FAM135B: variants seen among roughly 807,000 people sequenced by gnomAD.
FAM135B encodes protein FAM135B.
FAM135B carries 43 observed loss-of-function variants against 127.7 expected under a neutral mutation model. The ratio of observed to expected loss-of-function variants is 0.34; its 90% CI spans 0.26 to 0.43. The LOEUF (loss-of-function observed/expected upper bound fraction) is 0.43, where lower values mean the gene tolerates loss of function less well. Among genes scored for constraint, FAM135B ranks in the 20% least tolerant of loss-of-function variants. The pLI, the probability that FAM135B is intolerant of heterozygous loss-of-function variation, is 1.00. For missense variants in FAM135B, 1,558 were observed against 1,725.6 expected (o/e 0.90, Z 1.72); for synonymous variants, 670 against 665.1 (o/e 1.01, Z -0.11).
chr8:138,310,724 C>A, intron 3 of FAM135B, 117 bp downstream of exon 3: 1 of 875,428 alleles, frequency 1.1e-6, no homozygotes, highest in South Asian at 1.9e-5. Flanking sequence ...ATCCAACATT[C>A]ACCACAGATT....
At chr8:138,266,485 C>T (rs1478935730) in intron 3 of FAM135B, among the ~76,000 whole-genome samples, 4 of 152,004 alleles carry the variant, frequency 2.6e-5, no homozygotes, top group Non-Finnish European at 4.4e-5. Flanking sequence ...CTATGCAATG[C>T]TTCCACTGTC....
intron 9 of FAM135B, among the ~76,000 whole-genome samples, chr8:138,191,570 C>T (rs1816127151): frequency 6.6e-6 from 1 of 152,164 alleles, no homozygotes; most frequent in Admixed American, 6.5e-5. Context: ...CTATGTGCTG[C>T]ATGAGCAAGG....
chr8:138,209,999 G>A (rs1011716596), intron 7 of FAM135B, among the ~76,000 whole-genome samples: 2 of 152,178 alleles, frequency 1.3e-5, no homozygotes, highest in Non-Finnish European at 2.9e-5. Context: ...AATAGCAAGA[G>A]TAAGAAGAAA....
At chr8:138,222,877 C>A (rs1465693039) in intron 7 of FAM135B, among the ~76,000 whole-genome samples, 3 of 152,052 alleles carry the variant, frequency 2.0e-5, no homozygotes, top group Non-Finnish European at 4.4e-5. Context: ...AGAGTCTTTA[C>A]CCTACATTTA....
chr8:138,316,365 G>A (rs1440308935), intron 2 of FAM135B, among the ~76,000 whole-genome samples: 1 of 152,074 alleles, frequency 6.6e-6, no homozygotes, highest in African/African-American at 2.4e-5. Context: ...GCAGTGGCGG[G>A]CGCCTGTAGT....
At chr8:138,186,679 T>C (rs1815613771) in intron 9 of FAM135B, among the ~76,000 whole-genome samples, 3 of 152,180 alleles carry the variant, frequency 2.0e-5, no homozygotes, top group Non-Finnish European at 1.5e-5. Flanking sequence ...TTGCTTTGTA[T>C]AAAGTAAAGC....
At chr8:138,377,583 T>G (rs1004746047) in intron 1 of FAM135B, among the ~76,000 whole-genome samples, 2 of 151,950 alleles carry the variant, frequency 1.3e-5, no homozygotes, top group African/African-American at 4.8e-5. Context: ...ACTAACCCAC[T>G]CCCTCCATAA....
At chr8:138,421,526 T>C (rs1208085975) in intron 1 of FAM135B, among the ~76,000 whole-genome samples, 1 of 151,934 alleles carries the variant, frequency 6.6e-6, no homozygotes, top group Non-Finnish European at 1.5e-5. Context: ...AAAAATGCAA[T>C]CCCATTCACA....
Position 138,367,942 on chromosome 8 carries a change from T to G in FAM135B, c.42A>C (p.Leu14=). 1 of 1,613,864 alleles carries G rather than the reference T, an allele frequency of 6.2e-7. No individual in the cohort carries two copies. Among genetic ancestry groups the G allele is most frequent in the Non-Finnish European group, 8.5e-7 (1 of 1,179,908 alleles). The change falls in exon 2 of 20, where the codon CTA becomes CTC. Residue 14 remains leucine, a synonymous_variant. Transcript: ENST00000395297. ...IQGTVEFSVE[L]HKFYNVDLFQ... ...AGAGATCCACATTATAAAATTTATG[T>G]AGCTCTACCGAAAACTCAACCGTTC... is the stretch of plus-strand genomic sequence containing the variant.
chr8:138,463,302 CAGTT>C (rs1228570380), intron 1 of FAM135B, among the ~76,000 whole-genome samples: 1 of 152,068 alleles, frequency 6.6e-6, no homozygotes, highest in Non-Finnish European at 1.5e-5. Context: ...AGAACACACA[CAGTT>C]AGAGCAGTGA....
intron 12 of FAM135B, among the ~76,000 whole-genome samples, chr8:138,154,580 A>T (rs1818518592): frequency 1.3e-5 from 2 of 152,128 alleles, no homozygotes; most frequent in Non-Finnish European, 2.9e-5. Flanking sequence ...TAGAATAAAC[A>T]GCATAGAGAA....
At chr8:138,316,387 G>A (rs1001412835) in intron 2 of FAM135B, among the ~76,000 whole-genome samples, 1 of 151,866 alleles carries the variant, frequency 6.6e-6, no homozygotes, top group Non-Finnish European at 1.5e-5. Flanking sequence ...CCAGCTACTC[G>A]GGAGGCTGAG....
At chr8:138,347,237 C>T (rs1028529317) in intron 2 of FAM135B, among the ~76,000 whole-genome samples, 1 of 152,158 alleles carries the variant, frequency 6.6e-6, no homozygotes, top group Non-Finnish European at 1.5e-5. Context: ...TGTCCTAATC[C>T]ACCTAAGTCA....
At chr8:138,442,401 A>C (rs1449878907) in intron 1 of FAM135B, among the ~76,000 whole-genome samples, 2 of 151,682 alleles carry the variant, frequency 1.3e-5, no homozygotes, top group South Asian at 4.2e-4. Flanking sequence ...ACGTACTACT[A>C]TGTGTCAGGC....
At chr8:138,226,944 G>T (rs376349714) in intron 7 of FAM135B, among the ~76,000 whole-genome samples, 73 of 152,000 alleles carry the variant, frequency 4.8e-4, no homozygotes, top group East Asian at 4.5e-3. Flanking sequence ...TGATCTGCCT[G>T]CTTCAGCCTC....
chr8:138,338,363 G>A (rs1005121847), intron 2 of FAM135B, among the ~76,000 whole-genome samples: 18 of 151,958 alleles, frequency 1.2e-4, no homozygotes, highest in African/African-American at 4.1e-4. Flanking sequence ...CTACTCATCT[G>A]ACAAAGGGCT....
chr8:138,419,130 C>T (rs1307077878), intron 1 of FAM135B, among the ~76,000 whole-genome samples: 3 of 151,970 alleles, frequency 2.0e-5, no homozygotes, highest in Admixed American at 2.0e-4. Flanking sequence ...TGCAATGACG[C>T]CACAGATTCA....
intron 1 of FAM135B, among the ~76,000 whole-genome samples, chr8:138,460,718 T>C (rs1354165706): frequency 6.6e-6 from 1 of 151,726 alleles, no homozygotes; most frequent in African/African-American, 2.4e-5. Flanking sequence ...GATTTTTTTT[T>C]CTATAAAAAA....
intron 9 of FAM135B, among the ~76,000 whole-genome samples, chr8:138,186,544 T>A (rs16908508): frequency 0.2 from 30,393 of 152,020 alleles, 3,390 homozygotes; most frequent in East Asian, 0.33. Context: ...AAGCGGGTGT[T>A]GTTTCTTCCA....
Sources: allele counts gnomAD v4.1 joint callset (sites outside exome capture counted in the v4.1 genomes callset), GRCh38; gene constraint gnomAD v4.1.1; transcripts MANE v1.5; gene names NCBI Gene and HGNC (gene_info 2026-07-23, HGNC 2026-07-21).